The following GTF2H1 variants were observed in gnomAD, a reference collection of about 807,000 sequenced individuals.
The protein encoded by GTF2H1 is BTF2 p62.
A neutral mutation model predicts 71.2 loss-of-function variants in GTF2H1; 16 were observed. That is an observed-to-expected ratio of 0.22 (90% confidence interval 0.15 to 0.34). The LOEUF (loss-of-function observed/expected upper bound fraction) is 0.34, where lower values mean the gene tolerates loss of function less well. Ranked by LOEUF, GTF2H1 falls within the 10% of genes least tolerant of loss-of-function variation. The probability of loss-of-function intolerance (pLI) is 1.00; values close to 1 mark genes in which losing one functional copy is unlikely to be tolerated. For synonymous variants in GTF2H1, 215 were observed against 219.0 expected (o/e 0.98, Z 0.16); for missense variants, 498 against 648.2 (o/e 0.77, Z 2.52).
intron 9 of GTF2H1, chr11:18,348,185 CAGA>C: frequency 2.1e-6 from 1 of 469,710 alleles, no homozygotes; most frequent in Non-Finnish European, 3.7e-6. Context: ...CACATACATA[CAGA>C]TTGTTCTTAT....
chr11:18,360,929 C>G (rs1213545726), intron 14 of GTF2H1, among the ~76,000 whole-genome samples: 3 of 151,654 alleles, frequency 2.0e-5, no homozygotes, highest in African/African-American at 7.3e-5. Flanking sequence ...CCTCAGCCTT[C>G]TGAGTAGCTG....
At chr11:18,341,489 A>T (rs1865154774) in intron 6 of GTF2H1, 39 bp from the exon 7 acceptor site, 4 of 1,604,880 alleles carry the variant, frequency 2.5e-6, no homozygotes, top group African/African-American at 1.3e-5. Context: ...TCTGAGACAG[A>T]TAAGACATGC....
chr11:18,356,050 G>A (rs1047218454), intron 11 of GTF2H1, among the ~76,000 whole-genome samples: 9 of 152,176 alleles, frequency 5.9e-5, no homozygotes, highest in East Asian at 3.9e-4. Context: ...TGTCCCAGGC[G>A]TGGAATTTTC....
chr11:18,332,859 G>A (rs1031405604), intron 1 of GTF2H1: 13 of 436,256 alleles, frequency 3.0e-5, no homozygotes, highest in Non-Finnish European at 4.9e-5. Context: ...CCTGTGGTAT[G>A]AGCAAAATGA....
chr11:18,343,272 G>T (rs1355041134), intron 7 of GTF2H1, among the ~76,000 whole-genome samples: 1 of 152,186 alleles, frequency 6.6e-6, no homozygotes, highest in Non-Finnish European at 1.5e-5. Context: ...GAGGCTAATA[G>T]TACTTGCCTT....
At chr11:18,324,141 A>G (rs1299445042) in intron 1 of GTF2H1, 1 of 151,602 alleles carries the variant, frequency 6.6e-6, no homozygotes, top group Non-Finnish European at 1.5e-5. Context: ...ACCTCCATCT[A>G]CCGGGTTCAA....
intron 14 of GTF2H1, 93 bp downstream of exon 14, chr11:18,360,800 T>A (rs1224973868): frequency 2.9e-6 from 2 of 692,624 alleles, no homozygotes; most frequent in Non-Finnish European, 4.9e-6. Flanking sequence ...AGTAGATACT[T>A]AATTTTCTTT....
Position 18,335,847 on chromosome 11 carries a change from G to A in GTF2H1, c.248G>A (p.Ser83Asn), listed in dbSNP as rs1464658946. 1.9e-6 allele frequency: 3 copies of A among 1,613,818 alleles called. No individual in the cohort carries two copies. The highest frequency in any genetic ancestry group is 2.5e-6 in the Non-Finnish European group (3 of 1,179,822). The change falls in exon 3 of 15, where the codon AGC (serine) becomes AAC (asparagine). Residue 83 changes from serine to asparagine, a missense_variant. Around this residue, in one of 3 missense-constraint regions of GTF2H1, gnomAD observed 216 missense variants for 306.2 expected, o/e 0.71. Coordinates refer to ENST00000265963, the MANE Select transcript of GTF2H1 (RefSeq NM_005316.4). ...DTTNFHFSNE[S>N]TAVKERDAVK... ...ACTAACTTCCATTTTTCCAATGAAA[G>A]CACAGCAGTGAAAGAGCGAGATGCA...
intron 11 of GTF2H1, among the ~76,000 whole-genome samples, chr11:18,352,977 A>G (rs546913378): frequency 3.3e-5 from 5 of 152,188 alleles, no homozygotes; most frequent in Admixed American, 6.5e-5. Flanking sequence ...TGTAATCCCA[A>G]TACTTTGGGA....
chr11:18,329,008 T>C (rs1210757063), intron 1 of GTF2H1, among the ~76,000 whole-genome samples: 2 of 152,240 alleles, frequency 1.3e-5, no homozygotes, highest in Non-Finnish European at 2.9e-5. Context: ...TCCTTTATCA[T>C]ATTTGATATA....
At chr11:18,335,135 C>A (rs913385826) in intron 2 of GTF2H1, among the ~76,000 whole-genome samples, 8 of 152,068 alleles carry the variant, frequency 5.3e-5, no homozygotes, top group African/African-American at 1.9e-4. Flanking sequence ...AAAGTCAGAT[C>A]TAAAGGCTTG....
intron 1 of GTF2H1, among the ~76,000 whole-genome samples, chr11:18,324,949 T>A (rs1864725940): frequency 1.3e-5 from 2 of 152,244 alleles, no homozygotes; most frequent in Admixed American, 1.3e-4. Flanking sequence ...AATATCTTCC[T>A]TGTCTGTGAA....
chr11:18,344,672 A>G (rs1016986821), intron 7 of GTF2H1, among the ~76,000 whole-genome samples: 2 of 151,602 alleles, frequency 1.3e-5, no homozygotes, highest in Non-Finnish European at 2.9e-5. Flanking sequence ...ATAATCCCCT[A>G]TGTGAATCTC....
At chr11:18,322,901 G>A (rs1306367110) in intron 1 of GTF2H1, among the ~76,000 whole-genome samples, 161 bp downstream of exon 1, 2 of 152,158 alleles carry the variant, frequency 1.3e-5, no homozygotes, top group Admixed American at 6.5e-5. Context: ...CCCTTATCCC[G>A]AGGCGAGGAA....
At chr11:18,342,196 T>C (rs1865172123) in intron 7 of GTF2H1, among the ~76,000 whole-genome samples, 1 of 151,984 alleles carries the variant, frequency 6.6e-6, no homozygotes, top group Non-Finnish European at 1.5e-5. Context: ...TCCTCAGTTA[T>C]TCCCTTTACT....
At position 18,358,119 on chromosome 11, in the gene GTF2H1, T is replaced by G. The variant is rs974944206; in HGVS notation, c.1351+77T>G. ...GCAAGCTGGGAGGAGTGCTGAACTT[T>G]TATTGGTTTTTCCTTGGAATAATCC... is the stretch of plus-strand genomic sequence containing the variant. On this transcript the variant is annotated intron_variant, in intron 12 of 14. Transcript: ENST00000265963. 56 of 924,432 alleles carry G rather than the reference T, an allele frequency of 6.1e-5. No individual in the cohort carries two copies. In the South Asian group the frequency reaches 7.5e-4, roughly 12 times the overall value. 57.3% of individuals were successfully genotyped at this position (924,432 alleles called of 1,614,324 possible).
chr11:18,345,083 C>T (rs968371770), intron 7 of GTF2H1, among the ~76,000 whole-genome samples: 3 of 151,302 alleles, frequency 2.0e-5, no homozygotes, highest in African/African-American at 2.4e-5. Context: ...CCCAGCTACT[C>T]GGGAGGCTAA....
intron 9 of GTF2H1, among the ~76,000 whole-genome samples, chr11:18,350,022 A>C (rs2133978594): frequency 6.6e-6 from 1 of 152,360 alleles, no homozygotes; most frequent in African/African-American, 2.4e-5. Flanking sequence ...AATGTGAATC[A>C]CTTTGACACC....
intron 7 of GTF2H1, among the ~76,000 whole-genome samples, chr11:18,343,860 G>A (rs116098039): frequency 0.021 from 3,252 of 152,120 alleles, 111 homozygotes; most frequent in African/African-American, 0.071. Flanking sequence ...TTTTATGACG[G>A]GCTCACTCTG....
Sources: allele counts gnomAD v4.1 joint callset (sites outside exome capture counted in the v4.1 genomes callset), GRCh38; gene constraint gnomAD v4.1.1; regional missense constraint gnomAD v4.1.1; transcripts MANE v1.5; gene names NCBI Gene and HGNC (gene_info 2026-07-23, HGNC 2026-07-21).